Variants in GRID1 observed in about 807,000 individuals in gnomAD.
GRID1 encodes the protein glutamate receptor ionotropic, delta-1.
In GRID1, 28 loss-of-function variants were observed where a neutral mutation model predicts 98.0. The observed-to-expected ratio is 0.29, with a 90% CI of 0.21 to 0.39. The LOEUF (loss-of-function observed/expected upper bound fraction) is 0.39. GRID1 is among the 10% of genes least tolerant of loss of function. The pLI, the probability that GRID1 is intolerant of heterozygous loss-of-function variation, is 1.00. For missense variants in GRID1, 1,111 were observed against 1,340.5 expected (o/e 0.83, Z 2.67); for synonymous variants, 553 against 538.5 (o/e 1.03, Z -0.37).
In GRID1 at chr10:86,124,555, C is replaced by T. The variant is rs530679648; in HGVS notation, c.726+14264G>A. On this transcript the variant is annotated intron_variant, in intron 4 of 15. Coordinates refer to ENST00000327946, the MANE Select transcript of GRID1 (RefSeq NM_017551.3). ...CTACAGTGGTGCCCCCACGAAACCA[C>T]TCTCTTCTTACCTTACTGTATTTTT... 2.0e-5 allele frequency among the ~76,000 whole-genome samples: 3 copies of T among 152,302 alleles called. No homozygotes were observed. The South Asian group carries it at 6.2e-4, about 32-fold the overall frequency.
intron 6 of GRID1, among the ~76,000 whole-genome samples, chr10:85,857,853 C>A (rs529792066): frequency 5.9e-5 from 9 of 152,176 alleles, no homozygotes; most frequent in Non-Finnish European, 1.2e-4. Flanking sequence ...CCCTGTACCA[C>A]AACACCTCTG....
At chr10:85,741,944 G>A (rs1381339553) in intron 8 of GRID1, among the ~76,000 whole-genome samples, 1 of 152,044 alleles carries the variant, frequency 6.6e-6, no homozygotes, top group Admixed American at 6.6e-5. Context: ...CACATCTCAT[G>A]GTTGGCTCTT....
intron 2 of GRID1, among the ~76,000 whole-genome samples, chr10:86,324,792 T>A (rs1371118073): frequency 1.3e-5 from 2 of 151,922 alleles, no homozygotes; most frequent in Middle Eastern, 3.2e-3. Flanking sequence ...AAAAATGAGA[T>A]TTTTTTCATC....
chr10:85,743,197 G>A (rs1841964342), intron 8 of GRID1, among the ~76,000 whole-genome samples: 1 of 144,904 alleles, frequency 6.9e-6, no homozygotes, highest in Non-Finnish European at 1.5e-5. Flanking sequence ...CCATGCTGGA[G>A]AGACCACCTG....
intron 8 of GRID1, among the ~76,000 whole-genome samples, chr10:85,840,483 C>T (rs555057580): frequency 6.6e-6 from 1 of 152,052 alleles, no homozygotes; most frequent in Non-Finnish European, 1.5e-5. Context: ...GAATCCCTGG[C>T]CAGGGCAATC....
chr10:86,314,780 G>A (rs1208378390), intron 2 of GRID1, among the ~76,000 whole-genome samples: 2 of 152,180 alleles, frequency 1.3e-5, no homozygotes, highest in African/African-American at 4.8e-5. Flanking sequence ...CTCTAGGCAG[G>A]GCCCGGAATC....
intron 2 of GRID1, among the ~76,000 whole-genome samples, chr10:86,300,786 G>A (rs1008095987): frequency 2.2e-4 from 33 of 152,036 alleles, no homozygotes; most frequent in African/African-American, 7.2e-4. Flanking sequence ...GCTCCAGTCC[G>A]CTCCACCCTG....
chr10:86,002,547 T>G (rs985417818), intron 4 of GRID1, among the ~76,000 whole-genome samples: 2 of 152,190 alleles, frequency 1.3e-5, no homozygotes, highest in Non-Finnish European at 2.9e-5. Flanking sequence ...TCCTAGCCTT[T>G]TCACAAAATT....
chr10:85,902,658 C>T (rs954183300), intron 5 of GRID1, among the ~76,000 whole-genome samples: 2 of 152,158 alleles, frequency 1.3e-5, no homozygotes, highest in African/African-American at 2.4e-5. Context: ...GTATGGAGTT[C>T]TTAAATTCGA....
intron 6 of GRID1, among the ~76,000 whole-genome samples, chr10:85,864,556 T>C (rs1368110478): frequency 6.6e-6 from 1 of 152,212 alleles, no homozygotes; most frequent in South Asian, 2.1e-4. Context: ...TATGGGTTTT[T>C]AGGGCTAAGT....
chr10:86,053,139 A>T (rs1843524284), intron 4 of GRID1, among the ~76,000 whole-genome samples: 1 of 152,224 alleles, frequency 6.6e-6, no homozygotes, highest in African/African-American at 2.4e-5. Flanking sequence ...TAACATATTC[A>T]CTGCAGTTAT....
chr10:85,654,912 T>A (rs1469520877), intron 12 of GRID1, among the ~76,000 whole-genome samples: 3 of 152,210 alleles, frequency 2.0e-5, no homozygotes, highest in Admixed American at 2.0e-4. Context: ...AAACTCAGCC[T>A]AGATCCTGTA....
At chr10:85,703,752 C>T (rs939755390) in intron 12 of GRID1, among the ~76,000 whole-genome samples, 4 of 151,984 alleles carry the variant, frequency 2.6e-5, no homozygotes, top group African/African-American at 7.2e-5. Flanking sequence ...TTGAAATGCA[C>T]AAGTGGACAT....
intron 4 of GRID1, among the ~76,000 whole-genome samples, chr10:86,026,910 G>A (rs544035201): frequency 6.6e-6 from 1 of 152,316 alleles, no homozygotes; most frequent in East Asian, 1.9e-4. Context: ...TTCCTGGCCT[G>A]TAAAGTAGGA....
chr10:85,898,171 A>G (rs1201584780), intron 5 of GRID1, among the ~76,000 whole-genome samples: 2 of 152,208 alleles, frequency 1.3e-5, no homozygotes, highest in African/African-American at 4.8e-5. Flanking sequence ...CTGTAACCCA[A>G]TGGTATTTGT....
chr10:85,662,509 G>A (rs1235509519), intron 12 of GRID1, among the ~76,000 whole-genome samples: 3 of 152,064 alleles, frequency 2.0e-5, no homozygotes, highest in Non-Finnish European at 4.4e-5. Context: ...GCCTCCCTCC[G>A]CCCTGCACAC....
At chr10:86,350,351 G>A (rs1736962359) in intron 2 of GRID1, among the ~76,000 whole-genome samples, 2 of 152,302 alleles carry the variant, frequency 1.3e-5, no homozygotes, top group East Asian at 1.9e-4. Context: ...GCTGCTACAT[G>A]GACAATGGCC....
rs137984963 is a variant in GRID1, at chr10:85,907,754, T to C, written c.780+8432A>G. ...TAAATACCAATATACCTGGTGAACA[T>C]AGGAGAAAAATTCTAATCAAAAATT... On this transcript the variant is annotated intron_variant, in intron 5 of 15. Coordinates refer to ENST00000327946, the MANE Select transcript of GRID1 (RefSeq NM_017551.3). Among the ~76,000 whole-genome samples, 327 of 152,102 alleles carry C rather than the reference T, an allele frequency of 2.1e-3. 4 individuals carry two copies. Among genetic ancestry groups the C allele is most frequent in the African/African-American group, 7.4e-3 (308 of 41,530 alleles).
chr10:85,840,491 A>T (rs978071343), intron 8 of GRID1, among the ~76,000 whole-genome samples: 7 of 152,146 alleles, frequency 4.6e-5, no homozygotes, highest in African/African-American at 1.7e-4. Flanking sequence ...GGCCAGGGCA[A>T]TCAGACAAGA....
Sources: allele counts gnomAD v4.1 joint callset (sites outside exome capture counted in the v4.1 genomes callset), GRCh38; gene constraint gnomAD v4.1.1; transcripts MANE v1.5; gene names NCBI Gene and HGNC (gene_info 2026-07-23, HGNC 2026-07-21).